Variants in RGS17 observed in about 807,000 individuals in gnomAD.
The protein encoded by RGS17 is regulator of G-protein signaling 17.
In RGS17, 12 loss-of-function variants were observed where a neutral mutation model predicts 25.5. That is an observed-to-expected ratio of 0.47 (90% confidence interval 0.30 to 0.76). The LOEUF (loss-of-function observed/expected upper bound fraction) is 0.76. RGS17 is among the 30% of genes least tolerant of loss of function. The probability of loss-of-function intolerance (pLI) is 0.07; values close to 1 mark genes in which losing one functional copy is unlikely to be tolerated. For synonymous variants in RGS17, 71 were observed against 76.9 expected (o/e 0.92, Z 0.40); for missense variants, 196 against 242.2 (o/e 0.81, Z 1.27).
intron 1 of RGS17, among the ~76,000 whole-genome samples, chr6:153,125,144 T>C (rs1299912813): frequency 1.3e-5 from 2 of 152,214 alleles, no homozygotes; most frequent in African/African-American, 4.8e-5. Context: ...TGTAATGCCA[T>C]GGCTCTTGAA....
At chr6:153,044,118 A>G (rs1448765195) in intron 1 of RGS17, 75 bp from the exon 2 acceptor site, 2 of 741,266 alleles carry the variant, frequency 2.7e-6, no homozygotes, top group Non-Finnish European at 4.7e-6. Flanking sequence ...AGGAAGGCTC[A>G]TTTCACTAAG....
intron 1 of RGS17, among the ~76,000 whole-genome samples, chr6:153,059,762 A>T (rs117236184): frequency 6.6e-6 from 1 of 152,254 alleles, no homozygotes; most frequent in African/African-American, 2.4e-5. Context: ...TACAATAAAA[A>T]GCTGATGATA....
chr6:153,026,549 AT>A lies in RGS17; in HGVS notation c.120-7del, dbSNP rs1779305053. The A allele has an allele frequency of 6.2e-7, 1 of 1,603,674 alleles. No individual in the cohort carries two copies. The highest frequency in any genetic ancestry group is 8.5e-7 in the Non-Finnish European group (1 of 1,171,418). On this transcript the variant is annotated splice_region_variant and splice_polypyrimidine_tract_variant and intron_variant, in intron 2 of 4. Transcript: ENST00000206262. ...CTTCATTCCTCACAGTGAGGCTGTAATGTAACAGAACATTTAATTTTGTCAA... is the reference window on the plus strand; with the variant it reads ...CTTCATTCCTCACAGTGAGGCTGTAAGTAACAGAACATTTAATTTTGTCAA...
chr6:153,058,128 A>G (rs970439776), intron 1 of RGS17, among the ~76,000 whole-genome samples: 2 of 152,234 alleles, frequency 1.3e-5, no homozygotes, highest in East Asian at 3.9e-4. Flanking sequence ...TTTGACACAT[A>G]AATACTTGGA....
chr6:153,049,283 C>T (rs1776429611), intron 1 of RGS17, among the ~76,000 whole-genome samples: 2 of 152,024 alleles, frequency 1.3e-5, no homozygotes, highest in Admixed American at 6.6e-5. Context: ...AAAATAAAGG[C>T]ATAGTTCAAT....
chr6:153,014,219 A>C (rs1361917575), intron 4 of RGS17, among the ~76,000 whole-genome samples: 1 of 152,064 alleles, frequency 6.6e-6, no homozygotes, highest in Non-Finnish European at 1.5e-5. Context: ...TGCTAAATCT[A>C]CTCTGCCTGT....
intron 4 of RGS17, 68 bp downstream of exon 4, chr6:153,024,194 G>A: frequency 2.0e-6 from 2 of 1,015,902 alleles, no homozygotes; most frequent in South Asian, 1.4e-5. Flanking sequence ...TACCCAATGT[G>A]GACAGCCATC....
chr6:153,039,779 A>G (rs552103511), intron 2 of RGS17, among the ~76,000 whole-genome samples: 88 of 152,326 alleles, frequency 5.8e-4, no homozygotes, highest in African/African-American at 2.1e-3. Flanking sequence ...GTAAGCACAC[A>G]GCAGTTTCTA....
In RGS17 at chr6:153,024,307, A is replaced by AGCC; in HGVS notation, c.396_398dup (p.Ala133dup). 6.2e-7 allele frequency: 1 copy of AGCC among 1,613,760 alleles called. No homozygotes were observed. The highest frequency in any genetic ancestry group is 8.5e-7 in the Non-Finnish European group (1 of 1,179,740). ...AAATGTAATCTTCATATATCATCCT[A>AGCC]GCCTTTTCTTCAATTACTTTTTTGT... On this transcript the variant is annotated inframe_insertion, in exon 4 of 5. Transcript: ENST00000206262.
chr6:153,030,722 A>T (rs1779352714), intron 2 of RGS17, among the ~76,000 whole-genome samples: 1 of 152,232 alleles, frequency 6.6e-6, no homozygotes, highest in Admixed American at 6.5e-5. Flanking sequence ...CACAGTAAAT[A>T]CTAGAGGAGT....
intron 4 of RGS17, among the ~76,000 whole-genome samples, chr6:153,021,733 T>C (rs1467166890): frequency 6.6e-6 from 1 of 152,232 alleles, no homozygotes; most frequent in East Asian, 1.9e-4. Flanking sequence ...CTTTGTGATA[T>C]TTTGAGGATA....
Position 153,006,420 on chromosome 6 carries a change from A to ATCTG in RGS17, c.*5153_*5154insCAGA, listed in dbSNP as rs960834411. The ATCTG allele has an allele frequency of 4.8e-4, 73 of 152,324 alleles. No homozygotes were observed. The highest frequency in any genetic ancestry group is 1.6e-3 in the African/African-American group (65 of 41,366). The allele number at this position is 152,324 out of a possible 1,614,324, so 9.4% of individuals were successfully genotyped here. A position where few individuals can be genotyped will look rare whatever the true frequency, so the allele number is the denominator to read the frequency against. ...ATAATTGTATATCCATTTATCATCT[A>ATCTG]TCTATCATCTATCTATCAATCATCT... On this transcript the variant is annotated 3_prime_UTR_variant, in exon 5 of 5. Coordinates refer to ENST00000206262, the MANE Select transcript of RGS17 (RefSeq NM_012419.5).
intron 1 of RGS17, among the ~76,000 whole-genome samples, chr6:153,126,116 G>C (rs1777700231): frequency 6.6e-6 from 1 of 152,160 alleles, no homozygotes; most frequent in Admixed American, 6.5e-5. Context: ...ATTCTAACCT[G>C]ACATGGTTTT....
intron 1 of RGS17, among the ~76,000 whole-genome samples, chr6:153,083,389 G>GA (rs1777010205): frequency 6.6e-6 from 1 of 152,048 alleles, no homozygotes; most frequent in Non-Finnish European, 1.5e-5. Context: ...TTCTCTTTTG[G>GA]AAAAAAGCCG....
At chr6:153,084,466 G>A (rs1382762938) in intron 1 of RGS17, among the ~76,000 whole-genome samples, 1 of 152,162 alleles carries the variant, frequency 6.6e-6, no homozygotes, top group Non-Finnish European at 1.5e-5. Context: ...ATAGGATGGT[G>A]GACTGATTGA....
chr6:153,032,102 C>T (rs1006381264), intron 2 of RGS17, among the ~76,000 whole-genome samples: 2 of 152,060 alleles, frequency 1.3e-5, no homozygotes, highest in African/African-American at 4.8e-5. Context: ...TACCCACCCC[C>T]CAAAAAAACT....
chr6:153,075,796 CATTT>C (rs1776868960), intron 1 of RGS17, among the ~76,000 whole-genome samples: 1 of 152,146 alleles, frequency 6.6e-6, no homozygotes, highest in Admixed American at 6.5e-5. Flanking sequence ...ACAATGTATT[CATTT>C]GTGTATGTGT....
chr6:153,020,100 T>TAAAAA (rs57320874), intron 4 of RGS17, among the ~76,000 whole-genome samples: 5 of 45,024 alleles, frequency 1.1e-4, no homozygotes, highest in East Asian at 1.8e-3. Flanking sequence ...GCAAATATCT[T>TAAAAA]AAAAAAAAAA....
intron 4 of RGS17, among the ~76,000 whole-genome samples, chr6:153,016,278 G>A (rs936132328): frequency 7.2e-5 from 11 of 152,184 alleles, no homozygotes; most frequent in African/African-American, 2.7e-4. Flanking sequence ...ATATGCCAGA[G>A]GGAAATGCTG....
Sources: gnomAD v4.1 joint callset for allele counts (sites outside exome capture counted in the v4.1 genomes callset) on GRCh38, gnomAD v4.1.1 for gene constraint, MANE v1.5 for transcripts, NCBI Gene and HGNC (gene_info 2026-07-23, HGNC 2026-07-21) for gene names.